The following PIK3CA variants were observed in gnomAD, a reference collection of about 807,000 sequenced individuals.
PIK3CA encodes phosphatidylinositol-4,5-bisphosphate 3-kinase catalytic subunit alpha, also known as phosphatidylinositol 4,5-bisphosphate 3-kinase catalytic subunit alpha isoform.
PIK3CA carries 27 observed loss-of-function variants against 138.2 expected under a neutral mutation model. The ratio of observed to expected loss-of-function variants is 0.20; its 90% CI spans 0.14 to 0.27. PIK3CA has a LOEUF of 0.27. Ranked by LOEUF, PIK3CA falls within the 10% of genes least tolerant of loss-of-function variation. The pLI is 1.00. For synonymous variants in PIK3CA, 358 were observed against 413.2 expected, an observed-to-expected ratio of 0.87 and a Z score of 1.62; for missense variants, 544 against 1,277.4, an observed-to-expected ratio of 0.43 and a Z score of 8.75.
chr3:179,179,540 A>G (rs1380450694), intron 1 of PIK3CA, among the ~76,000 whole-genome samples: 3 of 152,226 alleles, frequency 2.0e-5, no homozygotes, highest in Admixed American at 2.0e-4. Context: ...GTTCTAGGAT[A>G]ATAGAAATGT....
intron 14 of PIK3CA, among the ~76,000 whole-genome samples, chr3:179,222,956 T>C (rs1181715057): frequency 1.3e-5 from 2 of 152,212 alleles, no homozygotes; most frequent in South Asian, 2.1e-4. Flanking sequence ...AAATTGGCTA[T>C]GATACAGTGG....
In PIK3CA at chr3:179,218,353, A is replaced by T. The variant is rs2108408557; in HGVS notation, c.1664+19A>T. ...GTCACAGGTAAGTGCTAAAATGGAG[A>T]TTCTCTGTTTCTTTTTCTTTATTAC... is the stretch of plus-strand genomic sequence containing the variant. On this transcript the variant is annotated intron_variant, in intron 10 of 20. Coordinates refer to ENST00000263967, the MANE Select transcript of PIK3CA (RefSeq NM_006218.4). The T allele has an allele frequency of 6.3e-7, 1 of 1,585,856 alleles. No individual in the cohort carries two copies. Among genetic ancestry groups the T allele is most frequent in the Non-Finnish European group, 8.6e-7 (1 of 1,165,970 alleles).
chr3:179,158,629 A>ATTAT (rs1723198212), intron 1 of PIK3CA, among the ~76,000 whole-genome samples: 1 of 152,062 alleles, frequency 6.6e-6, no homozygotes, highest in Non-Finnish European at 1.5e-5. Flanking sequence ...ACTTGCTATG[A>ATTAT]AGTCTTTATT....
Position 179,238,128 on chromosome 3 carries a change from T to C in PIK3CA, c.*3764T>C, listed in dbSNP as rs1725367116. On this transcript the variant is annotated 3_prime_UTR_variant, in exon 21 of 21. Coordinates refer to ENST00000263967, the MANE Select transcript of PIK3CA (RefSeq NM_006218.4). ...ACATTCTTTATATCCATCCTGCTCA[T>C]TTGGGGCATGTCTTTAAGAGAAGGC... is the stretch of plus-strand genomic sequence containing the variant. The C allele has an allele frequency of 4.5e-6, 1 of 223,714 alleles. No homozygotes were observed. The highest frequency in any genetic ancestry group is 8.9e-6 in the Non-Finnish European group (1 of 112,002). 13.9% of individuals were successfully genotyped at this position (223,714 alleles called of 1,614,324 possible). A position where few individuals can be genotyped will look rare whatever the true frequency, so the allele number is the denominator to read the frequency against.
chr3:179,224,878 C>T lies in PIK3CA; in HGVS notation c.2416+57C>T, dbSNP rs1725047578. 7.0e-6 allele frequency: 9 copies of T among 1,284,196 alleles called. No individual in the cohort carries two copies. The Admixed American group carries it at 1.3e-4, about 18-fold the overall frequency. The allele number at this position is 1,284,196 out of a possible 1,614,324, so 79.6% of individuals were successfully genotyped here. A position where few individuals can be genotyped will look rare whatever the true frequency, so the allele number is the denominator to read the frequency against. On this transcript the variant is annotated intron_variant, in intron 16 of 20. Transcript: ENST00000263967. ...ATGAATTTAGCTATCTTTTTATACA[C>T]AGGATATTTATGAACCATGAAAACT...
chr3:179,197,767 A>G (rs532533218), intron 1 of PIK3CA, among the ~76,000 whole-genome samples: 1 of 152,194 alleles, frequency 6.6e-6, no homozygotes, highest in East Asian at 1.9e-4. Context: ...CTTTTGATAT[A>G]CTCTTACAGT....
rs1722916540 is a variant in PIK3CA at position 179,148,564 on chromosome 3, C to T, written c.-116C>T. 1 of 152,308 alleles carries T rather than the reference C, an allele frequency of 6.6e-6. No homozygotes were observed. Among genetic ancestry groups the T allele is most frequent in the African/African-American group, 2.4e-5 (1 of 41,346 alleles). 9.4% of individuals were successfully genotyped at this position (152,308 alleles called of 1,614,324 possible). Reference sequence around the variant, plus strand: ...CGCCGCCGCCCGCGGGGCTGGGACCCGATGCGGTTAGAGCCGCGGAGCCTG... The same window carrying T: ...CGCCGCCGCCCGCGGGGCTGGGACCTGATGCGGTTAGAGCCGCGGAGCCTG... On this transcript the variant is annotated 5_prime_UTR_variant, in exon 1 of 21. Coordinates refer to ENST00000263967, the MANE Select transcript of PIK3CA (RefSeq NM_006218.4).
intron 5 of PIK3CA, among the ~76,000 whole-genome samples, chr3:179,204,115 T>C (rs982983297): frequency 6.6e-6 from 1 of 152,216 alleles, no homozygotes; most frequent in Non-Finnish European, 1.5e-5. Flanking sequence ...CCACTTAGTA[T>C]AAAATTCCGG....
intron 1 of PIK3CA, among the ~76,000 whole-genome samples, chr3:179,174,019 C>T (rs1267713009): frequency 4.6e-5 from 7 of 152,138 alleles, no homozygotes; most frequent in East Asian, 3.9e-4. Context: ...TGACCCATTG[C>T]GCCCGGCCCG....
intron 1 of PIK3CA, among the ~76,000 whole-genome samples, chr3:179,151,851 AT>A (rs1723022152): frequency 6.6e-6 from 1 of 152,204 alleles, no homozygotes; most frequent in Admixed American, 6.5e-5. Flanking sequence ...TGAGTTAGGT[AT>A]CCCTGCTTCC....
intron 1 of PIK3CA, among the ~76,000 whole-genome samples, chr3:179,166,951 C>A (rs1469630402): frequency 6.6e-6 from 1 of 152,048 alleles, no homozygotes; most frequent in Non-Finnish European, 1.5e-5. Context: ...TAATTAGAGT[C>A]GTCTTGTAAT....
At chr3:179,194,041 T>C (rs558805289) in intron 1 of PIK3CA, among the ~76,000 whole-genome samples, 1 of 152,162 alleles carries the variant, frequency 6.6e-6, no homozygotes, top group Non-Finnish European at 1.5e-5. Context: ...TGTTATATAT[T>C]CTGATTTCTT....
At chr3:179,173,503 C>G (rs548199618) in intron 1 of PIK3CA, among the ~76,000 whole-genome samples, 1 of 150,836 alleles carries the variant, frequency 6.6e-6, no homozygotes, top group African/African-American at 2.4e-5. Flanking sequence ...GGCAGGAATC[C>G]GGGAGGCGGA....
intron 1 of PIK3CA, among the ~76,000 whole-genome samples, chr3:179,161,589 C>G (rs527841157): frequency 9.9e-5 from 15 of 152,080 alleles, no homozygotes; most frequent in African/African-American, 3.6e-4. Flanking sequence ...TCCCAGCTAT[C>G]GGGAGGCTTA....
rs1725346128 is a variant in PIK3CA, at chr3:179,237,034, G to C, written c.*2670G>C. On this transcript the variant is annotated 3_prime_UTR_variant, in exon 21 of 21. Transcript: ENST00000263967. ...AAATATTTCCTTGAATAATTATTTT[G>C]AGAAAAAGTCTAAAAGTAATAAAAA... 1 of 194,160 alleles carries C rather than the reference G, an allele frequency of 5.2e-6. No individual in the cohort carries two copies. Among genetic ancestry groups the C allele is most frequent in the Non-Finnish European group, 1.1e-5 (1 of 93,366 alleles). The allele number at this position is 194,160 out of a possible 1,614,324, so 12.0% of individuals were successfully genotyped here.
At chr3:179,210,639 A>C in intron 9 of PIK3CA, 74 bp downstream of exon 9, 1 of 1,421,822 alleles carries the variant, frequency 7.0e-7, no homozygotes, top group Non-Finnish European at 9.7e-7. Flanking sequence ...CTCTATGGAA[A>C]AGGATCCATA....
Position 179,238,286 on chromosome 3 carries a change from C to T in PIK3CA, c.*3922C>T, listed in dbSNP as rs1055515822. The T allele has an allele frequency of 1.4e-5, 3 of 218,190 alleles. No homozygotes were observed. Among genetic ancestry groups the T allele is most frequent in the Non-Finnish European group, 2.8e-5 (3 of 108,636 alleles). The allele number at this position is 218,190 out of a possible 1,614,324, so 13.5% of individuals were successfully genotyped here. On this transcript the variant is annotated 3_prime_UTR_variant, in exon 21 of 21. Coordinates refer to ENST00000263967, the MANE Select transcript of PIK3CA (RefSeq NM_006218.4). ...AATAATTCTTGGTGACAGAATAATA[C>T]AGCTGGGCTGTTTTTTAAAATATAA... is the stretch of plus-strand genomic sequence containing the variant.
intron 20 of PIK3CA, among the ~76,000 whole-genome samples, chr3:179,233,118 CAA>C (rs1725250709): frequency 6.6e-6 from 1 of 152,106 alleles, no homozygotes; most frequent in African/African-American, 2.4e-5. Flanking sequence ...CTCGGCTTCC[CAA>C]AGTGCTGGGA....
intron 1 of PIK3CA, among the ~76,000 whole-genome samples, chr3:179,152,465 G>A (rs1249755491): frequency 6.6e-6 from 1 of 152,096 alleles, no homozygotes; most frequent in Non-Finnish European, 1.5e-5. Flanking sequence ...TATTGGCTTT[G>A]GAATTTGAGG....
Sources: gnomAD v4.1 joint callset for allele counts (sites outside exome capture counted in the v4.1 genomes callset) on GRCh38, gnomAD v4.1.1 for gene constraint, MANE v1.5 for transcripts, NCBI Gene and HGNC (gene_info 2026-07-23, HGNC 2026-07-21) for gene names.